The following TIAM1 variants were observed in gnomAD, a reference collection of about 807,000 sequenced individuals.
TIAM1 encodes the protein rho guanine nucleotide exchange factor TIAM1.
Under a neutral mutation model 163.5 loss-of-function variants are expected in TIAM1, and 65 were observed. The ratio of observed to expected loss-of-function variants is 0.40; its 90% CI spans 0.33 to 0.49. TIAM1 has a LOEUF of 0.49. Ranked by LOEUF, TIAM1 falls within the 20% of genes least tolerant of loss-of-function variation. TIAM1 has a pLI of 0.77. For missense variants in TIAM1, 1,789 were observed against 2,044.7 expected (o/e 0.87, Z 2.41); for synonymous variants, 833 against 810.1 (o/e 1.03, Z -0.48).
intron 2 of TIAM1, among the ~76,000 whole-genome samples, chr21:31,312,460 A>G (rs1436949092): frequency 1.3e-5 from 2 of 152,174 alleles, no homozygotes; most frequent in Non-Finnish European, 2.9e-5. Context: ...GATCATGGGA[A>G]CATGAGGAAT....
At chr21:31,171,213 A>G (rs541851947) in intron 15 of TIAM1, among the ~76,000 whole-genome samples, 1 of 152,274 alleles carries the variant, frequency 6.6e-6, no homozygotes, top group East Asian at 1.9e-4. Context: ...CACACCATTC[A>G]CAAAAATCAG....
At chr21:31,402,270 C>T (rs147437304) in intron 2 of TIAM1, among the ~76,000 whole-genome samples, 26 of 152,040 alleles carry the variant, frequency 1.7e-4, no homozygotes, top group African/African-American at 6.3e-4. Context: ...AAGACAGTTA[C>T]CTAGAGGAAA....
chr21:31,171,062 A>AC (rs1555879081), intron 15 of TIAM1, among the ~76,000 whole-genome samples: 2,101 of 119,242 alleles, frequency 0.018, 254 homozygotes, highest in South Asian at 0.026. Flanking sequence ...AAAAAAAAAA[A>AC]TTGGGGGCCA....
intron 2 of TIAM1, among the ~76,000 whole-genome samples, chr21:31,458,137 C>T (rs778015280): frequency 3.5e-4 from 54 of 152,130 alleles, no homozygotes; most frequent in African/African-American, 8.5e-4. Context: ...ATAAAACAAT[C>T]GGCCGGGTGC....
At chr21:31,191,040 A>T (rs1333282847) in intron 13 of TIAM1, among the ~76,000 whole-genome samples, 4 of 152,196 alleles carry the variant, frequency 2.6e-5, no homozygotes, top group Admixed American at 6.5e-5. Flanking sequence ...ATCTCTGAGG[A>T]CTGGGGGAAT....
intron 2 of TIAM1, among the ~76,000 whole-genome samples, chr21:31,412,003 A>C (rs2077367232): frequency 6.6e-6 from 1 of 152,184 alleles, no homozygotes. Context: ...TTGCAGCAGG[A>C]TTCACAGTAG....
intron 2 of TIAM1, among the ~76,000 whole-genome samples, chr21:31,410,314 G>C (rs1240836604): frequency 6.6e-6 from 1 of 151,560 alleles, no homozygotes; most frequent in Admixed American, 6.6e-5. Flanking sequence ...GAGACAGTGT[G>C]TGTGTGAGTA....
At chr21:31,521,461 TAA>T (rs1001317392) in intron 1 of TIAM1, among the ~76,000 whole-genome samples, 16 of 152,110 alleles carry the variant, frequency 1.1e-4, no homozygotes, top group African/African-American at 3.9e-4. Flanking sequence ...CTTAAAAAGT[TAA>T]AAGAGTGCAC....
chr21:31,353,813 T>TTTTA lies in TIAM1; in HGVS notation c.-368-14395_-368-14392dup, dbSNP rs1324044375. Among the ~76,000 whole-genome samples the TTTTA allele has an allele frequency of 3.9e-3, 560 of 144,398 alleles. 4 individuals carry two copies. The highest frequency in any genetic ancestry group is 5.1e-3 in the Non-Finnish European group (341 of 66,480). 94.7% of individuals were successfully genotyped at this position (144,398 alleles called of 152,430 possible). The stretch of plus-strand genomic sequence containing the variant: ...ACATCCTTACATTTGATTTATTTGT[T>TTTTA]TTTATTTATTTATTTATTTATCTTT... On this transcript the variant is annotated intron_variant, in intron 2 of 28. Coordinates refer to the TIAM1 transcript ENST00000286827.
intron 12 of TIAM1, among the ~76,000 whole-genome samples, chr21:31,202,355 C>G (rs2086242875): frequency 6.6e-6 from 1 of 150,566 alleles, no homozygotes; most frequent in Non-Finnish European, 1.5e-5. Context: ...AGTTCAAGAC[C>G]AGCCTGGGCA....
rs1300785727 is a variant in TIAM1, at chr21:31,178,650, CTT to C, written c.2887+3769_2887+3770del. On this transcript the variant is annotated intron_variant, in intron 15 of 27. Coordinates refer to ENST00000541036, the MANE Select transcript of TIAM1 (RefSeq NM_001353694.2). The stretch of plus-strand genomic sequence containing the variant: ...ACTAATTTTGAAGCCAGTTTAGAAA[CTT>C]TACCAAAAACAAAAACAACAAAACA... Among the ~76,000 whole-genome samples the C allele has an allele frequency of 5.3e-5, 8 of 151,870 alleles. No homozygotes were observed. The East Asian group carries it at 1.6e-3, about 30-fold the overall frequency.
chr21:31,311,831 T>A (rs1290363522), intron 2 of TIAM1, among the ~76,000 whole-genome samples: 1 of 152,140 alleles, frequency 6.6e-6, no homozygotes, highest in Non-Finnish European at 1.5e-5. Context: ...AACATTTGAG[T>A]CAGTGGACTG....
chr21:31,210,200 C>T lies in TIAM1; in HGVS notation c.2233G>A (p.Val745Ile). Residue 745 changes from valine to isoleucine, a missense_variant, in exon 11 of 28, where the codon GTC becomes ATC. By Grantham distance (29) the Val-to-Ile change is conservative. Around this residue, in one of 5 missense-constraint regions of TIAM1, gnomAD observed 456 missense variants for 586.6 expected, o/e 0.78. Coordinates refer to ENST00000541036, the MANE Select transcript of TIAM1 (RefSeq NM_001353694.2). ...TTGTGCTGGTGAACGTTAGGTAAGA[C>T]CACTTCTTTCTCCCTCTATAACAAG... ...VPDGKREKEV[V>I]LPNVHQHNPD... is the part of the protein sequence containing the mutation. 1 of 1,613,996 alleles carries T rather than the reference C, an allele frequency of 6.2e-7. No individual in the cohort carries two copies. The highest frequency in any genetic ancestry group is 8.5e-7 in the Non-Finnish European group (1 of 1,179,996).
At chr21:31,315,778 GAGGCCATCCTGGCCAACA>G (rs1196815856) in intron 2 of TIAM1, among the ~76,000 whole-genome samples, 1 of 151,344 alleles carries the variant, frequency 6.6e-6, no homozygotes, top group Non-Finnish European at 1.5e-5. Context: ...TCAGGAGATT[GAGGCCATCCTGGCCAACA>G]GGGTGAAACC....
At chr21:31,512,410 T>C (rs990544455) in intron 1 of TIAM1, among the ~76,000 whole-genome samples, 1 of 152,018 alleles carries the variant, frequency 6.6e-6, no homozygotes, top group Non-Finnish European at 1.5e-5. Flanking sequence ...ACAATTTTAT[T>C]TTTACTGTTG....
chr21:31,303,383 G>A (rs2074574414), intron 2 of TIAM1, among the ~76,000 whole-genome samples: 1 of 152,110 alleles, frequency 6.6e-6, no homozygotes, highest in Non-Finnish European at 1.5e-5. Flanking sequence ...TCACAGATCT[G>A]GCAGATTCAT....
intron 2 of TIAM1, among the ~76,000 whole-genome samples, chr21:31,438,179 C>CTTTTTTTTTTTTTTTTTTTTTTTTTT (rs34844399): frequency 3.2e-5 from 2 of 62,686 alleles, no homozygotes; most frequent in Admixed American, 1.9e-4. Context: ...TATTTGTGAT[C>CTTTTTTTTTTTTTTTTTTTTTTTTTT]TTTTTTTTTT....
Position 31,542,426 on chromosome 21 carries a change from C to CAAA in TIAM1, c.-422+16498_-422+16500dup, listed in dbSNP as rs60986228. Among the ~76,000 whole-genome samples the CAAA allele has an allele frequency of 7.1e-3, 1,031 of 145,404 alleles. 16 individuals are homozygous for CAAA. Among genetic ancestry groups the CAAA allele is most frequent in the African/African-American group, 0.025 (978 of 38,908 alleles). ...TGGGGGATAGAGCGAGACTCCGTCT[C>CAAA]AAAAAAAAAGAAAAAAAAAAGTAAT... On this transcript the variant is annotated intron_variant, in intron 1 of 28. Coordinates refer to the TIAM1 transcript ENST00000286827.
chr21:31,526,858 T>C (rs1210142547), intron 1 of TIAM1, among the ~76,000 whole-genome samples: 2 of 152,094 alleles, frequency 1.3e-5, no homozygotes, highest in Non-Finnish European at 2.9e-5. Flanking sequence ...CGCACCACCA[T>C]GCCAAGCTCA....
Sources: gnomAD v4.1 joint callset for allele counts (sites outside exome capture counted in the v4.1 genomes callset) on GRCh38, gnomAD v4.1.1 for gene constraint, gnomAD v4.1.1 regional missense constraint, MANE v1.5 for transcripts, NCBI Gene and HGNC (gene_info 2026-07-23, HGNC 2026-07-21) for gene names.